The following MAP1S variants were observed in gnomAD, a reference collection of about 807,000 sequenced individuals.
The protein encoded by MAP1S is microtubule associated protein 1S.
MAP1S carries 27 observed loss-of-function variants against 60.9 expected under a neutral mutation model. The ratio of observed to expected loss-of-function variants is 0.44; its 90% confidence interval spans 0.33 to 0.61. The LOEUF (loss-of-function observed/expected upper bound fraction) is 0.61. Among genes scored for constraint, MAP1S ranks in the 20% least tolerant of loss-of-function variants. The pLI is 0.03. For synonymous variants in MAP1S, 826 were observed against 694.2 expected, an observed-to-expected ratio of 1.19 and a Z score of -2.98; for missense variants, 1,608 against 1,486.6, an observed-to-expected ratio of 1.08 and a Z score of -1.34.
rs1409917618 is a variant in MAP1S at position 17,727,389 on chromosome 19, TCACCCACAGTGACCA to T, written c.2013_2027del (p.Thr676_Pro680del). On this transcript the variant is annotated inframe_deletion, in exon 5 of 7. Coordinates refer to ENST00000324096, the MANE Select transcript of MAP1S (RefSeq NM_018174.6). This position sits in a 1 kb window ranked among gnomAD's most constrained non-coding sequence, Gnocchi z 4.1. ...GGGCGGGGAGGCCGGGCCAGACGCC[TCACCCACAGTGACCA>T]CACCCACGGTGACCACGCCCTCACT... 3.1e-6 allele frequency: 5 copies of T among 1,594,090 alleles called. No homozygotes were observed. Among genetic ancestry groups the T allele is most frequent in the African/African-American group, 1.3e-5 (1 of 74,352 alleles).
intron 1 of MAP1S, chr19:17,720,549 C>T (rs764504168): frequency 3.0e-5 from 43 of 1,447,402 alleles, no homozygotes; most frequent in Non-Finnish European, 3.8e-5. Context: ...TCTTAGCACC[C>T]GAAGGTGCTG....
chr19:17,725,385 G>C lies in MAP1S; in HGVS notation c.444+196G>C, dbSNP rs1286489986. On this transcript the variant is annotated intron_variant, in intron 4 of 6. Transcript: ENST00000324096. This position sits in a 1 kb window ranked among gnomAD's most constrained non-coding sequence, Gnocchi z 4.2. ...CCCGCGAAAGGGTGTGGTGTGAGCTGAGTTTGTAGGTCAGCAGATGTCCCA... is the reference window on the plus strand; with the variant it reads ...CCCGCGAAAGGGTGTGGTGTGAGCTCAGTTTGTAGGTCAGCAGATGTCCCA... Among the ~76,000 whole-genome samples the C allele has an allele frequency of 6.6e-6, 1 of 152,188 alleles. No homozygotes were observed. The highest frequency in any genetic ancestry group is 2.4e-5 in the African/African-American group (1 of 41,432).
Position 17,726,688 on chromosome 19 carries a change from G to T in MAP1S, c.1304G>T (p.Cys435Phe). The change falls in exon 5 of 7, where the codon TGC becomes TTC. Residue 435 changes from cysteine to phenylalanine, a missense_variant. By Grantham distance (205) the Cys-to-Phe change is radical (BLOSUM62 -2). This residue lies in a region of MAP1S where 1,167 missense variants were observed against 961.4 expected (regional missense o/e 1.21). Transcript: ENST00000324096. ...GTGGTGCGCGTGCTGTTCCCCGGTTGCACCCCGCCCGCCTGCCTCCTGGAC... is the reference window on the plus strand; with the variant it reads ...GTGGTGCGCGTGCTGTTCCCCGGTTTCACCCCGCCCGCCTGCCTCCTGGAC... ...EKVVRVLFPG[C>F]TPPACLLDGL... 6.3e-7 allele frequency: 1 copy of T among 1,585,532 alleles called. No homozygotes were observed.
In MAP1S at chr19:17,727,171, C is replaced by T. The variant is rs1338441161; in HGVS notation, c.1787C>T (p.Ala596Val). The T allele has an allele frequency of 3.2e-6, 5 of 1,584,664 alleles. No individual in the cohort carries two copies. The highest frequency in any genetic ancestry group is 4.3e-6 in the Non-Finnish European group (5 of 1,168,956). The change falls in exon 5 of 7, where the codon GCA becomes GTA. Residue 596 changes from alanine to valine, a missense_variant. This residue lies in a region of MAP1S where 1,167 missense variants were observed against 961.4 expected (regional missense o/e 1.21). Transcript: ENST00000324096. The surrounding 1 kb of genome is among the most constrained non-coding windows in gnomAD (Gnocchi z 4.1). The stretch of plus-strand genomic sequence containing the variant: ...TGTGGAGAAGCCAGCCCCCCCAGTG[C>T]AGCCTGCGGCTCTCCGGCCTCCCAG... ...LRCGEASPPS[A>V]ACGSPASQLV...
chr19:17,723,030 T>C (rs1414411728), intron 2 of MAP1S, among the ~76,000 whole-genome samples: 1 of 151,998 alleles, frequency 6.6e-6, no homozygotes, highest in East Asian at 1.9e-4. Context: ...ACCCCGGCTC[T>C]GGCTCCTTGC....
At chr19:17,724,933 C>T (rs147934579) in intron 3 of MAP1S, 116 bp from the exon 4 acceptor site, 23 of 1,324,550 alleles carry the variant, frequency 1.7e-5, no homozygotes, top group South Asian at 6.1e-5. Context: ...CTGGGCTGGT[C>T]GTGGGGTGAG....
intron 2 of MAP1S, 28 bp downstream of exon 2, chr19:17,721,065 C>T (rs1178419872): frequency 6.3e-7 from 1 of 1,579,898 alleles, no homozygotes; most frequent in Non-Finnish European, 8.7e-7. Context: ...CTGACTGCTC[C>T]CTACCTCTTG....
chr19:17,719,548 C>G lies in MAP1S; in HGVS notation c.46C>G (p.Leu16Val). ...GSGAAAAPSS[L>V]LLVVGSEFGS... The stretch of plus-strand genomic sequence containing the variant: ...TGGGGCTGCCGCGGCTCCGAGCTCA[C>G]TGCTCCTCGTGGTGGGCAGCGAGTT... Residue 16 changes from leucine to valine, a missense_variant, in exon 1 of 7, where the codon CTG (leucine) becomes GTG (valine). Around this residue, in one of 4 missense-constraint regions of MAP1S, gnomAD observed 45 missense variants for 22.0 expected, o/e 2.04. Transcript: ENST00000324096. 8.0e-7 allele frequency: 1 copy of G among 1,246,260 alleles called. No homozygotes were observed. Among genetic ancestry groups the G allele is most frequent in the Non-Finnish European group, 1.0e-6 (1 of 987,574 alleles). 77.2% of individuals were successfully genotyped at this position (1,246,260 alleles called of 1,614,324 possible). A position where few individuals can be genotyped will look rare whatever the true frequency, so the allele number is the denominator to read the frequency against.
rs201877486 is a variant in MAP1S at position 17,734,257 on chromosome 19, C to T, written c.3025-16C>T. ...TGGTGGTCCACTCTCCCCACACACC[C>T]CCCCTCCACCTGCAGGTGACCCTGA... On this transcript the variant is annotated splice_polypyrimidine_tract_variant and intron_variant, in intron 6 of 6. Coordinates refer to ENST00000324096, the MANE Select transcript of MAP1S (RefSeq NM_018174.6). 28 of 1,605,886 alleles carry T rather than the reference C, an allele frequency of 1.7e-5. No homozygotes were observed. The African/African-American group carries it at 3.7e-4, about 21-fold the overall frequency.
rs1333474902 is a variant in MAP1S at position 17,725,201 on chromosome 19, C to T, written c.444+12C>T. 3.1e-6 allele frequency: 5 copies of T among 1,600,476 alleles called. No individual in the cohort carries two copies. The highest frequency in any genetic ancestry group is 4.3e-6 in the Non-Finnish European group (5 of 1,173,134). ...TGAAGGACAGAGAGGTAAGCCACCC[C>T]TTTGCCATCCCCTGCTTCCCCAGCT... On this transcript the variant is annotated intron_variant, in intron 4 of 6. Transcript: ENST00000324096. This position sits in a 1 kb window ranked among gnomAD's most constrained non-coding sequence, Gnocchi z 4.2.
chr19:17,720,533 A>C (rs1045709796), intron 1 of MAP1S: 5 of 1,480,408 alleles, frequency 3.4e-6, no homozygotes, highest in Non-Finnish European at 4.5e-6. Flanking sequence ...CTGAGAGGAC[A>C]GTCAGTCTTA....
chr19:17,723,803 A>T (rs545623292), intron 2 of MAP1S, among the ~76,000 whole-genome samples: 179 of 152,240 alleles, frequency 1.2e-3, no homozygotes, highest in African/African-American at 3.8e-3. Flanking sequence ...TGCAGTGAGC[A>T]GAGATTGCAC....
rs1439181025 is a variant in MAP1S, at chr19:17,727,238, C to T, written c.1854C>T (p.Ala618=). The T allele has an allele frequency of 1.9e-6, 3 of 1,567,322 alleles. No homozygotes were observed. Among genetic ancestry groups the T allele is most frequent in the South Asian group, 1.1e-5 (1 of 86,998 alleles). Residue 618 remains alanine, a synonymous_variant, in exon 5 of 7, where the codon GCC becomes GCT. Transcript: ENST00000324096. This position sits in a 1 kb window ranked among gnomAD's most constrained non-coding sequence, Gnocchi z 4.1. ...GCCTGGAGCTGGGGCCGATCCCAGC[C>T]GGGGAGGAGAAGGCACTGGAGCTGC... is the stretch of plus-strand genomic sequence containing the variant. ...TPSLELGPIP[A]GEEKALELPL...
intron 5 of MAP1S, chr19:17,732,886 T>G: frequency 2.7e-6 from 1 of 374,440 alleles, no homozygotes; most frequent in Non-Finnish European, 4.8e-6. Context: ...GTTTGTAGAG[T>G]GAGTGAAGAG....
chr19:17,721,835 C>T (rs1426636540), intron 2 of MAP1S, among the ~76,000 whole-genome samples: 1 of 152,076 alleles, frequency 6.6e-6, no homozygotes, highest in Non-Finnish European at 1.5e-5. Context: ...GGAGTGAGAT[C>T]AAGAAGGGCC....
Position 17,724,114 on chromosome 19 carries a change from A to AT in MAP1S, c.221-10dup. 6.2e-7 allele frequency: 1 copy of AT among 1,610,866 alleles called. No homozygotes were observed. The highest frequency in any genetic ancestry group is 8.5e-7 in the Non-Finnish European group (1 of 1,177,552). On this transcript the variant is annotated splice_polypyrimidine_tract_variant and intron_variant, in intron 2 of 6. Transcript: ENST00000324096. ...CAGGATTTGACTCCGGGACGGCCTG[A>AT]TTCCCCCACAGGCCAGCGGAGCCTG...
chr19:17,728,087 C>T lies in MAP1S; in HGVS notation c.2703C>T (p.Ala901=), dbSNP rs766779541. 7 of 1,612,678 alleles carry T rather than the reference C, an allele frequency of 4.3e-6. No homozygotes were observed. In the African/African-American group the frequency reaches 8.0e-5, roughly 18 times the overall value. The stretch of plus-strand genomic sequence containing the variant: ...ACCGTGCCAGCCGACCACTCAGTGC[C>T]CGGAGTGAGCCCAGTGAGAAGGGAG... The part of the protein sequence containing the change: ...GGDRASRPLS[A]RSEPSEKGGR... Residue 901 remains alanine, a synonymous_variant, in exon 5 of 7, where the codon GCC becomes GCT. Transcript: ENST00000324096.
chr19:17,733,638 G>A (rs951644380), intron 6 of MAP1S, among the ~76,000 whole-genome samples: 2 of 152,176 alleles, frequency 1.3e-5, no homozygotes, highest in African/African-American at 4.8e-5. Context: ...GAAGCCTGGG[G>A]GAGGACGCAG....
In MAP1S at chr19:17,727,818, G is replaced by A. The variant is rs554701792; in HGVS notation, c.2434G>A (p.Asp812Asn). Residue 812 changes from aspartate (D) to asparagine (N), a missense_variant, in exon 5 of 7, where the codon GAC becomes AAC. By Grantham distance (23) the Asp-to-Asn change is conservative. Around this residue, in one of 4 missense-constraint regions of MAP1S, gnomAD observed 1,167 missense variants for 961.4 expected, o/e 1.21. Transcript: ENST00000324096. The surrounding 1 kb of genome is among the most constrained non-coding windows in gnomAD (Gnocchi z 4.1). ...LAPGAADSDEDTEGFGVPRHD... is the reference protein window; with the variant it reads ...LAPGAADSDENTEGFGVPRHD... ...CCCCGGTGCGGCAGACTCAGACGAA[G>A]ACACAGAGGGCTTTGGAGTCCCTCG... 24 of 1,613,294 alleles carry A rather than the reference G, an allele frequency of 1.5e-5. No homozygotes were observed. The South Asian group carries it at 2.5e-4, about 17-fold the overall frequency.
Sources: allele counts gnomAD v4.1 joint callset (sites outside exome capture counted in the v4.1 genomes callset), GRCh38; gene constraint gnomAD v4.1.1; regional missense constraint gnomAD v4.1.1; non-coding constraint Gnocchi (gnomAD v3.1); transcripts MANE v1.5; gene names NCBI Gene and HGNC (gene_info 2026-07-23, HGNC 2026-07-21).